The following R3HDM2 variants were observed in gnomAD, a reference collection of about 807,000 sequenced individuals.
R3HDM2 encodes R3H domain containing 2, also known as R3H domain-containing protein 2.
R3HDM2 carries 38 observed loss-of-function variants against 124.5 expected under a neutral mutation model. That is an observed-to-expected ratio of 0.31 (90% confidence interval 0.24 to 0.40). R3HDM2 has a LOEUF of 0.40. Ranked by LOEUF, R3HDM2 falls within the 10% of genes least tolerant of loss-of-function variation. The probability of loss-of-function intolerance (pLI) is 1.00; values close to 1 mark genes in which losing one functional copy is unlikely to be tolerated. For synonymous variants in R3HDM2, 391 were observed against 448.0 expected (o/e 0.87, Z 1.61); for missense variants, 869 against 1,236.9 (o/e 0.70, Z 4.46).
chr12:57,381,871 G>A (rs1002933241), intron 2 of R3HDM2, among the ~76,000 whole-genome samples: 12 of 152,066 alleles, frequency 7.9e-5, no homozygotes, highest in African/African-American at 2.9e-4. Flanking sequence ...AGGCTGGAGT[G>A]TAGTGGTATA....
At chr12:57,393,324 G>T (rs1048934558) in intron 2 of R3HDM2, among the ~76,000 whole-genome samples, 1 of 151,502 alleles carries the variant, frequency 6.6e-6, no homozygotes, top group African/African-American at 2.4e-5. Flanking sequence ...GACTGGTCTA[G>T]AACTCCTGAC....
intron 2 of R3HDM2, among the ~76,000 whole-genome samples, chr12:57,383,235 G>A (rs981810241): frequency 3.9e-5 from 6 of 152,238 alleles, no homozygotes; most frequent in Admixed American, 1.3e-4. Flanking sequence ...TGAGAGGATC[G>A]CTTGAGCCAA....
Position 57,258,940 on chromosome 12 carries a change from G to C in R3HDM2, c.2251C>G (p.Gln751Glu), listed in dbSNP as rs1010124256. Residue 751 changes from glutamine (Q) to glutamate (E), a missense_variant, in exon 20 of 24, where the codon CAG becomes GAG. Around this residue, in one of 2 missense-constraint regions of R3HDM2, gnomAD observed 602 missense variants for 789.2 expected, o/e 0.76. Coordinates refer to ENST00000402412, the MANE Select transcript of R3HDM2 (RefSeq NM_001394031.1). ...AGGTCTCCAGGCTTCTGCCCCCGCT[G>C]GTCCATGCTGTAGTATTTACAATGA... ...WSHCKYYSMD[Q>E]RGQKPGDLYS... 1.2e-6 allele frequency: 2 copies of C among 1,612,062 alleles called. No individual in the cohort carries two copies. Among genetic ancestry groups the C allele is most frequent in the Non-Finnish European group, 8.5e-7 (1 of 1,179,728 alleles).
At chr12:57,300,316 CAG>C (rs970778042) in intron 4 of R3HDM2, 135 bp from the exon 5 acceptor site, 59 of 709,530 alleles carry the variant, frequency 8.3e-5, no homozygotes, top group Non-Finnish European at 1.1e-4. Context: ...TTCCATTAAA[CAG>C]GGGTTTTTTT....
intron 2 of R3HDM2, among the ~76,000 whole-genome samples, chr12:57,360,793 C>T (rs1017964138): frequency 5.3e-5 from 8 of 152,136 alleles, no homozygotes; most frequent in African/African-American, 1.4e-4. Flanking sequence ...CAGTGGCTCA[C>T]GCCTGTAATC....
At chr12:57,400,522 T>C (rs990336271) in intron 1 of R3HDM2, among the ~76,000 whole-genome samples, 1 of 152,050 alleles carries the variant, frequency 6.6e-6, no homozygotes, top group African/African-American at 2.4e-5. Flanking sequence ...TCATGGCACA[T>C]GTATACATAT....
chr12:57,297,136 A>G, intron 8 of R3HDM2, 192 bp downstream of exon 8: 1 of 509,314 alleles, frequency 2.0e-6, no homozygotes, highest in Non-Finnish European at 3.5e-6. Context: ...TAAGAACAGT[A>G]AAATCTGGGA....
At chr12:57,380,131 G>A (rs184933486) in intron 2 of R3HDM2, among the ~76,000 whole-genome samples, 1 of 152,216 alleles carries the variant, frequency 6.6e-6, no homozygotes, top group Admixed American at 6.5e-5. Flanking sequence ...GTAGGAAAAC[G>A]AAACCTTTCT....
chr12:57,360,873 A>G (rs2061854852), intron 2 of R3HDM2, among the ~76,000 whole-genome samples: 1 of 151,778 alleles, frequency 6.6e-6, no homozygotes, highest in Non-Finnish European at 1.5e-5. Flanking sequence ...TAACACGGTG[A>G]AACCCTGTCT....
At chr12:57,348,399 C>T (rs1409591823) in intron 2 of R3HDM2, among the ~76,000 whole-genome samples, 5 of 151,620 alleles carry the variant, frequency 3.3e-5, no homozygotes, top group African/African-American at 4.8e-5. Context: ...AACCTCATCT[C>T]TACGAAAAAT....
intron 11 of R3HDM2, among the ~76,000 whole-genome samples, chr12:57,289,466 C>T (rs144510633): frequency 3.9e-5 from 6 of 152,352 alleles, no homozygotes; most frequent in African/African-American, 1.4e-4. Flanking sequence ...AAATCATCCT[C>T]AATGGCTTTT....
intron 2 of R3HDM2, among the ~76,000 whole-genome samples, chr12:57,337,756 T>G (rs2059043484): frequency 6.6e-6 from 1 of 152,150 alleles, no homozygotes; most frequent in Admixed American, 6.5e-5. Context: ...GAAGAGGGTA[T>G]CTTCTCAGAG....
intron 11 of R3HDM2, among the ~76,000 whole-genome samples, chr12:57,289,529 C>A (rs1332032868): frequency 6.6e-6 from 1 of 152,132 alleles, no homozygotes; most frequent in Non-Finnish European, 1.5e-5. Flanking sequence ...ACCTGAGACC[C>A]AAGGAGGGTG....
intron 2 of R3HDM2, among the ~76,000 whole-genome samples, chr12:57,387,357 A>C (rs557353185): frequency 6.6e-6 from 1 of 152,210 alleles, no homozygotes; most frequent in South Asian, 2.1e-4. Context: ...AGAAGGAAGA[A>C]ACTCCGAACA....
chr12:57,360,305 G>A (rs1047333920), intron 2 of R3HDM2, among the ~76,000 whole-genome samples: 1 of 151,816 alleles, frequency 6.6e-6, no homozygotes, highest in Non-Finnish European at 1.5e-5. Context: ...TGGGATTACA[G>A]GCATGAGCCA....
At chr12:57,376,925 T>C (rs1295327250) in intron 2 of R3HDM2, among the ~76,000 whole-genome samples, 2 of 150,194 alleles carry the variant, frequency 1.3e-5, no homozygotes. Context: ...CACTCTAGCC[T>C]GGGCAAAAGA....
chr12:57,430,547 T>A, intron 1 of R3HDM2, 173 bp downstream of exon 1: 3 of 984,462 alleles, frequency 3.0e-6, no homozygotes, highest in Non-Finnish European at 3.6e-6. Flanking sequence ...AGCGCACACT[T>A]GGAGCAGTCC....
At chr12:57,366,220 C>T (rs964550772) in intron 2 of R3HDM2, among the ~76,000 whole-genome samples, 2 of 151,490 alleles carry the variant, frequency 1.3e-5, no homozygotes, top group African/African-American at 2.4e-5. Context: ...TGTGGTGTGA[C>T]GTTGGTTCAC....
chr12:57,329,728 AG>A (rs2057846936), intron 2 of R3HDM2, among the ~76,000 whole-genome samples: 1 of 151,184 alleles, frequency 6.6e-6, no homozygotes, highest in African/African-American at 2.4e-5. Context: ...GTGGGCCGAC[AG>A]AAAAAGACTC....
Sources: allele counts gnomAD v4.1 joint callset (sites outside exome capture counted in the v4.1 genomes callset), GRCh38; gene constraint gnomAD v4.1.1; regional missense constraint gnomAD v4.1.1; transcripts MANE v1.5; gene names NCBI Gene and HGNC (gene_info 2026-07-23, HGNC 2026-07-21).